Variants in CNTN1 observed in about 807,000 individuals in gnomAD.
The protein encoded by CNTN1 is contactin 1, also known as contactin-1.
A neutral mutation model predicts 126.4 loss-of-function variants in CNTN1; 38 were observed. That is an observed-to-expected ratio of 0.30 (90% CI 0.23 to 0.39). The LOEUF is 0.39. Ranked by LOEUF, CNTN1 falls within the 10% of genes least tolerant of loss-of-function variation. The pLI is 1.00. For synonymous variants in CNTN1, 413 were observed against 422.6 expected (o/e 0.98, Z 0.28); for missense variants, 1,009 against 1,248.4 (o/e 0.81, Z 2.89).
At chr12:40,842,727 G>A (rs998667095) in intron 1 of CNTN1, among the ~76,000 whole-genome samples, 1 of 151,998 alleles carries the variant, frequency 6.6e-6, no homozygotes, top group Admixed American at 6.6e-5. Flanking sequence ...CTAGCACAGT[G>A]CCTTGAACAT....
chr12:40,929,989 T>C lies in CNTN1; in HGVS notation c.690T>C (p.Ile230=). The change falls in exon 7 of 24, where the codon ATT becomes ATC. Residue 230 remains isoleucine, a synonymous_variant. Coordinates refer to ENST00000551295, the MANE Select transcript of CNTN1 (RefSeq NM_001843.4). ...KSVFSKFIPL[I]PIPERTTKPY... ...TGTTCAGCAAATTCATCCCACTCAT[T>C]CCAATACCTGAACGTAAGTATTTTA... The C allele has an allele frequency of 6.2e-7, 1 of 1,609,014 alleles. No homozygotes were observed. Among genetic ancestry groups the C allele is most frequent in the Non-Finnish European group, 8.5e-7 (1 of 1,175,694 alleles).
chr12:40,697,536 G>A (rs536072666), intron 1 of CNTN1, among the ~76,000 whole-genome samples: 2 of 152,316 alleles, frequency 1.3e-5, no homozygotes, highest in East Asian at 3.9e-4. Context: ...ACACAGAAAT[G>A]TATAGCTTTA....
rs530058962 is a variant in CNTN1 at position 41,004,378 on chromosome 12, G to A, written c.2114-9850G>A. On this transcript the variant is annotated intron_variant, in intron 17 of 23. Coordinates refer to ENST00000551295, the MANE Select transcript of CNTN1 (RefSeq NM_001843.4). ...TTCCAATTATGTGCTCAATTCTTGA[G>A]CATGTGCCATGTGGCAATGAGAAGA... Among the ~76,000 whole-genome samples the A allele has an allele frequency of 7.2e-5, 11 of 152,234 alleles. No individual in the cohort carries two copies. In the East Asian group the frequency reaches 1.2e-3, roughly 16 times the overall value.
chr12:41,038,758 T>C (rs1022138146), intron 23 of CNTN1, among the ~76,000 whole-genome samples: 8 of 151,926 alleles, frequency 5.3e-5, no homozygotes, highest in Non-Finnish European at 1.0e-4. Flanking sequence ...AAATAATATA[T>C]AGCAATACAT....
At chr12:40,880,037 G>A (rs1269852594) in intron 1 of CNTN1, among the ~76,000 whole-genome samples, 5 of 152,030 alleles carry the variant, frequency 3.3e-5, no homozygotes, top group African/African-American at 7.2e-5. Context: ...GCTAACTGCT[G>A]CAAGGAATAC....
chr12:41,014,323 T>C, intron 18 of CNTN1, 25 bp downstream of exon 18: 2 of 1,611,002 alleles, frequency 1.2e-6, no homozygotes, highest in Non-Finnish European at 1.7e-6. Context: ...GTTGCACATA[T>C]TATAGGTTGC....
At chr12:40,944,223 G>A in intron 14 of CNTN1, 53 bp downstream of exon 14, 4 of 1,468,510 alleles carry the variant, frequency 2.7e-6, no homozygotes, top group Non-Finnish European at 3.8e-6. Context: ...CTATGTGTCT[G>A]CATTGAAAGT....
chr12:41,061,662 C>A, intron 23 of CNTN1: 1 of 340,174 alleles, frequency 2.9e-6, no homozygotes, highest in Non-Finnish European at 5.8e-6. Flanking sequence ...TGGCTCAATG[C>A]TTGATATTCT....
chr12:41,031,162 A>G (rs1423130451), intron 23 of CNTN1, among the ~76,000 whole-genome samples: 1 of 152,180 alleles, frequency 6.6e-6, no homozygotes, highest in Admixed American at 6.5e-5. Flanking sequence ...TGTAGCAGTG[A>G]TGGTAACATC....
chr12:40,949,939 G>A (rs1946605832), intron 14 of CNTN1, among the ~76,000 whole-genome samples: 2 of 151,992 alleles, frequency 1.3e-5, no homozygotes, highest in South Asian at 4.2e-4. Context: ...AACGAGGACG[G>A]TTGGGCAATA....
chr12:41,059,163 A>G (rs1949888450), intron 23 of CNTN1, among the ~76,000 whole-genome samples: 1 of 152,190 alleles, frequency 6.6e-6, no homozygotes, highest in South Asian at 2.1e-4. Flanking sequence ...AAAAATCTTA[A>G]TACCAAATAC....
chr12:40,936,197 G>A (rs1409794290), intron 9 of CNTN1, among the ~76,000 whole-genome samples: 1 of 152,064 alleles, frequency 6.6e-6, no homozygotes, highest in Non-Finnish European at 1.5e-5. Flanking sequence ...GAATGAGACT[G>A]AGATCAATTT....
At position 41,010,219 on chromosome 12, in the gene CNTN1, C is replaced by T. The variant is rs192133185; in HGVS notation, c.2114-4009C>T. ...ATGTTGGTTTGAGCCACTGGAGCTC[C>T]GGGACCCATCAATCCTGTTGGACAA... On this transcript the variant is annotated intron_variant, in intron 17 of 23. Transcript: ENST00000551295. 1.3e-4 allele frequency among the ~76,000 whole-genome samples: 20 copies of T among 152,208 alleles called. No individual in the cohort carries two copies. The South Asian group carries it at 1.9e-3, about 14-fold the overall frequency.
At chr12:40,981,690 G>C (rs1947826523) in intron 16 of CNTN1, among the ~76,000 whole-genome samples, 1 of 151,964 alleles carries the variant, frequency 6.6e-6, no homozygotes, top group Non-Finnish European at 1.5e-5. Flanking sequence ...TTTGCCATTT[G>C]TCATGACTAG....
intron 23 of CNTN1, among the ~76,000 whole-genome samples, chr12:41,046,219 G>A (rs370155610): frequency 1.3e-5 from 2 of 152,010 alleles, no homozygotes; most frequent in African/African-American, 2.4e-5. Context: ...GATCACAACC[G>A]AAACAGGAAT....
At chr12:40,760,440 A>G (rs368755370) in intron 1 of CNTN1, among the ~76,000 whole-genome samples, 3 of 152,180 alleles carry the variant, frequency 2.0e-5, no homozygotes, top group South Asian at 4.1e-4. Flanking sequence ...CACTGCTACC[A>G]ACATTATTAT....
intron 1 of CNTN1, among the ~76,000 whole-genome samples, chr12:40,707,046 GCACA>G (rs59993134): frequency 0.042 from 6,334 of 149,208 alleles, 164 homozygotes; most frequent in Non-Finnish European, 0.057. Context: ...GCGCGCTTGC[GCACA>G]CACACACACA....
At chr12:40,877,134 A>T (rs1271439993) in intron 1 of CNTN1, among the ~76,000 whole-genome samples, 2 of 152,190 alleles carry the variant, frequency 1.3e-5, no homozygotes, top group Admixed American at 1.3e-4. Flanking sequence ...AACTGTCACC[A>T]TCTGACAATT....
intron 1 of CNTN1, among the ~76,000 whole-genome samples, chr12:40,800,710 A>C (rs572902601): frequency 6.6e-6 from 1 of 152,176 alleles, no homozygotes; most frequent in African/African-American, 2.4e-5. Context: ...TCTCCACATC[A>C]GATGAACACA....
Sources: gnomAD v4.1 joint callset for allele counts (sites outside exome capture counted in the v4.1 genomes callset) on GRCh38, gnomAD v4.1.1 for gene constraint, MANE v1.5 for transcripts, NCBI Gene and HGNC (gene_info 2026-07-23, HGNC 2026-07-21) for gene names.